Variants in POM121 observed in about 807,000 individuals in gnomAD.
POM121 encodes POM121 transmembrane nucleoporin.
POM121 carries 32 observed loss-of-function variants against 81.3 expected under a neutral mutation model. The ratio of observed to expected loss-of-function variants is 0.39; its 90% CI spans 0.30 to 0.53. The LOEUF is 0.53. Among genes scored for constraint, POM121 ranks in the 20% least tolerant of loss-of-function variants. POM121 has a pLI of 0.66. For synonymous variants in POM121, 514 were observed against 694.2 expected, an observed-to-expected ratio of 0.74 and a Z score of 4.08; for missense variants, 1,138 against 1,614.6, an observed-to-expected ratio of 0.70 and a Z score of 5.06.
chr7:72,889,801 A>AG (rs1403758349), intron 1 of POM121, among the ~76,000 whole-genome samples: 1 of 152,150 alleles, frequency 6.6e-6, no homozygotes, highest in African/African-American at 2.4e-5. Context: ...TATAGGCATG[A>AG]GCCACCATGC....
intron 3 of POM121, among the ~76,000 whole-genome samples, chr7:72,910,375 G>A (rs1256609234): frequency 3.3e-5 from 5 of 152,078 alleles, no homozygotes; most frequent in African/African-American, 1.2e-4. Flanking sequence ...TAACAGAAAT[G>A]TACACGACGT....
At chr7:72,896,942 C>T (rs1368142821) in intron 3 of POM121, among the ~76,000 whole-genome samples, 2 of 152,248 alleles carry the variant, frequency 1.3e-5, no homozygotes, top group African/African-American at 4.8e-5. Context: ...GTGTCAAGGC[C>T]GGGCGTGGTG....
chr7:72,901,383 C>T (rs777499645), intron 3 of POM121, among the ~76,000 whole-genome samples: 3 of 149,238 alleles, frequency 2.0e-5, no homozygotes, highest in Non-Finnish European at 4.4e-5. Context: ...GAGACAGAGT[C>T]TTGCTCTGTG....
chr7:72,947,847 C>A lies in POM121; in HGVS notation c.*1613C>A. The A allele has an allele frequency of 1.0e-6, 1 of 986,676 alleles. No individual in the cohort carries two copies. Among genetic ancestry groups the A allele is most frequent in the South Asian group, 4.6e-5 (1 of 21,628 alleles). The allele number at this position is 986,676 out of a possible 1,614,324, so 61.1% of individuals were successfully genotyped here. A position where few individuals can be genotyped will look rare whatever the true frequency, so the allele number is the denominator to read the frequency against. On this transcript the variant is annotated 3_prime_UTR_variant, in exon 13 of 13. Coordinates refer to ENST00000434423, the MANE Select transcript of POM121 (RefSeq NM_001387691.1). ...TGTGATGTAAATGTAACTGGTGCCC[C>A]CTCCCCGATGTGACTGAGGGTGAGT...
intron 1 of POM121, among the ~76,000 whole-genome samples, chr7:72,887,411 C>T (rs1460821013): frequency 1.3e-5 from 2 of 152,114 alleles, no homozygotes; most frequent in African/African-American, 4.8e-5. Flanking sequence ...ACATCTGCCT[C>T]GGTTCTTCTT....
intron 4 of POM121, among the ~76,000 whole-genome samples, chr7:72,928,936 T>C (rs1795746822): frequency 6.6e-6 from 1 of 152,222 alleles, no homozygotes; most frequent in Non-Finnish European, 1.5e-5. Context: ...AAAGTGCTCC[T>C]GGTCTGTGCT....
Position 72,925,517 on chromosome 7 carries a change from G to C in POM121, c.396G>C (p.Ala132=). The C allele has an allele frequency of 6.5e-7, 1 of 1,533,474 alleles. No homozygotes were observed. Among genetic ancestry groups the C allele is most frequent in the Non-Finnish European group, 8.7e-7 (1 of 1,146,464 alleles). 95.0% of individuals were successfully genotyped at this position (1,533,474 alleles called of 1,614,324 possible). ...CCCTGCTCGAAGGACCTGACCCTGC[G>C]GAACTGCTACTCATGGGCAGTTACC... ...PRTLLEGPDP[A]ELLLMGSYLG... The change falls in exon 1 of 13, where the codon GCG becomes GCC. Residue 132 remains alanine, a synonymous_variant. Coordinates refer to ENST00000434423, the MANE Select transcript of POM121 (RefSeq NM_001387691.1).
Position 72,946,662 on chromosome 7 carries a change from C to G in POM121, c.*428C>G. 2.0e-6 allele frequency: 2 copies of G among 987,718 alleles called. No homozygotes were observed. Among genetic ancestry groups the G allele is most frequent in the Non-Finnish European group, 2.4e-6 (2 of 831,118 alleles). 61.2% of individuals were successfully genotyped at this position (987,718 alleles called of 1,614,324 possible). ...GATGGGATTTGGGAAATGGGCTATC[C>G]GTAAAGCTTTATCTTGCTTGGCTTA... On this transcript the variant is annotated 3_prime_UTR_variant, in exon 13 of 13. Coordinates refer to ENST00000434423, the MANE Select transcript of POM121 (RefSeq NM_001387691.1).
chr7:72,917,971 CAGAG>C (rs371285842), intron 4 of POM121, among the ~76,000 whole-genome samples: 2 of 150,804 alleles, frequency 1.3e-5, no homozygotes, highest in Non-Finnish European at 3.0e-5. Context: ...GCAGCCGAGT[CAGAG>C]AGAGAGAGAG....
At chr7:72,900,214 C>T (rs1338185469) in intron 3 of POM121, among the ~76,000 whole-genome samples, 1 of 152,178 alleles carries the variant, frequency 6.6e-6, no homozygotes, top group Non-Finnish European at 1.5e-5. Context: ...GTCATTTGAT[C>T]TCTGGGTCTT....
rs1425249854 is a variant in POM121 at position 72,946,375 on chromosome 7, C to T, written c.*141C>T. ...GGCTTCAGCCGCCAGGGGGCAGTGG[C>T]AGCCCTGGGGCCCTTTCCCTTCTGG... On this transcript the variant is annotated 3_prime_UTR_variant, in exon 13 of 13. Coordinates refer to ENST00000434423, the MANE Select transcript of POM121 (RefSeq NM_001387691.1). 7 of 1,440,310 alleles carry T rather than the reference C, an allele frequency of 4.9e-6. No homozygotes were observed. The East Asian group carries it at 1.5e-4, about 32-fold the overall frequency. The allele number at this position is 1,440,310 out of a possible 1,614,324, so 89.2% of individuals were successfully genotyped here.
At chr7:72,922,634 C>T (rs1433593515), upstream of POM121, among the ~76,000 whole-genome samples, 19 of 151,894 alleles carry the variant, frequency 1.3e-4, no homozygotes, top group South Asian at 2.1e-4. Context: ...CAAAGCGATC[C>T]GCCCACCTTG....
In POM121 at chr7:72,925,420, G is replaced by A; in HGVS notation, c.299G>A (p.Arg100His). ...TTGTCCTCCTTCGTTCGGAAGGCGC[G>A]TCATCGGCGAACACTGTTCGCTTCG... ...RPLSSFVRKARHRRTLFASPL... is the reference protein window; with the variant it reads ...RPLSSFVRKAHHRRTLFASPL... Residue 100 changes from arginine to histidine, a missense_variant, in exon 1 of 13, where the codon CGT (arginine) becomes CAT (histidine). Around this residue, in one of 7 missense-constraint regions of POM121, gnomAD observed 646 missense variants for 633.5 expected, o/e 1.02. Transcript: ENST00000434423. 1 of 1,533,316 alleles carries A rather than the reference G, an allele frequency of 6.5e-7. No homozygotes were observed. Among genetic ancestry groups the A allele is most frequent in the Non-Finnish European group, 8.7e-7 (1 of 1,146,286 alleles). 95.0% of individuals were successfully genotyped at this position (1,533,316 alleles called of 1,614,324 possible).
intron 1 of POM121, among the ~76,000 whole-genome samples, chr7:72,887,082 T>C (rs1586063592): frequency 1.3e-5 from 2 of 152,346 alleles, no homozygotes; most frequent in East Asian, 3.9e-4. Context: ...AATTCTTTTT[T>C]CTCTGTTTCA....
At chr7:72,940,030 C>G in intron 8 of POM121, 62 bp downstream of exon 8, 2 of 1,562,158 alleles carry the variant, frequency 1.3e-6, no homozygotes, top group Non-Finnish European at 1.7e-6. Flanking sequence ...ATTAGGAACG[C>G]TAAGGACAAG....
intron 6 of POM121, among the ~76,000 whole-genome samples, chr7:72,938,960 C>A (rs1234560886): frequency 2.0e-5 from 3 of 152,344 alleles, no homozygotes; most frequent in African/African-American, 7.2e-5. Context: ...CAGAGAGAGT[C>A]AAGTCAGCGG....
At chr7:72,907,517 C>CA (rs1793369633) in intron 3 of POM121, among the ~76,000 whole-genome samples, 1 of 144,852 alleles carries the variant, frequency 6.9e-6, no homozygotes, top group African/African-American at 2.5e-5. Flanking sequence ...TTCTTCATTG[C>CA]TTTTTTTTTT....
chr7:72,949,515 G>T, downstream of POM121: 1 of 1,207,102 alleles, frequency 8.3e-7, no homozygotes, highest in South Asian at 1.3e-5. Flanking sequence ...CAGAGCAGGG[G>T]TGAGCTGAGC....
chr7:72,933,614 C>T (rs141629353), intron 5 of POM121, among the ~76,000 whole-genome samples: 255 of 152,316 alleles, frequency 1.7e-3, no homozygotes, highest in Admixed American at 2.4e-3. Flanking sequence ...TCACGCGTTG[C>T]TGGTGGGAGT....
Sources: gnomAD v4.1 joint callset for allele counts (sites outside exome capture counted in the v4.1 genomes callset) on GRCh38, gnomAD v4.1.1 for gene constraint, gnomAD v4.1.1 regional missense constraint, MANE v1.5 for transcripts, NCBI Gene and HGNC (gene_info 2026-07-23, HGNC 2026-07-21) for gene names.